PTPN23: variants seen among roughly 807,000 people sequenced by gnomAD.
PTPN23 encodes the protein tyrosine-protein phosphatase non-receptor type 23.
PTPN23 carries 72 observed loss-of-function variants against 156.3 expected under a neutral mutation model. The observed-to-expected ratio is 0.46, with a 90% CI of 0.38 to 0.56. PTPN23 has a LOEUF of 0.56. Among genes scored for constraint, PTPN23 ranks in the 20% least tolerant of loss-of-function variants. PTPN23 has a pLI of 0.00. For missense variants in PTPN23, 1,974 were observed against 2,171.5 expected (o/e 0.91, Z 1.81); for synonymous variants, 957 against 899.6 (o/e 1.06, Z -1.14).
intron 21 of PTPN23, 37 bp from the exon 22 acceptor site, chr3:47,412,057 G>T (rs1705314246): frequency 5.0e-6 from 8 of 1,611,784 alleles, no homozygotes; most frequent in Non-Finnish European, 6.8e-6. Context: ...GTCAGGCCTG[G>T]CTCATAGGCT....
Position 47,407,096 on chromosome 3 carries a change from A to G in PTPN23, c.808-34A>G, listed in dbSNP as rs1705144678. 1.2e-6 allele frequency: 2 copies of G among 1,613,310 alleles called. No homozygotes were observed. Among genetic ancestry groups the G allele is most frequent in the East Asian group, 2.2e-5 (1 of 44,860 alleles). ...GGAGGAGAAAGGGTCCAAGCAGAGG[A>G]GGACAGAGCAGGCTTTCCTGCCACC... On this transcript the variant is annotated intron_variant, in intron 9 of 24. Coordinates refer to ENST00000265562, the MANE Select transcript of PTPN23 (RefSeq NM_015466.4). The surrounding 1 kb of genome is among the most constrained non-coding windows in gnomAD (Gnocchi z 4.0).
At chr3:47,402,304 G>T (rs559873275) in intron 2 of PTPN23, among the ~76,000 whole-genome samples, 1 of 151,724 alleles carries the variant, frequency 6.6e-6, no homozygotes, top group Non-Finnish European at 1.5e-5. Context: ...ATTTGAGACC[G>T]AGTCTCACTC....
At position 47,409,162 on chromosome 3, in the gene PTPN23, G is replaced by A; in HGVS notation, c.1643-1G>A. On this transcript the variant is annotated splice_acceptor_variant, in intron 16 of 24. Coordinates refer to ENST00000265562, the MANE Select transcript of PTPN23 (RefSeq NM_015466.4). LOFTEE classifies it high-confidence loss of function. ...GCCTCACTGACCACTGCTGCCCACA[G>A]AGGACAAGGCCGTGCTGCAAAACCT... The A allele has an allele frequency of 6.2e-7, 1 of 1,612,830 alleles. No homozygotes were observed. The highest frequency in any genetic ancestry group is 8.5e-7 in the Non-Finnish European group (1 of 1,179,076).
At chr3:47,400,852 G>A (rs1436806853) in intron 2 of PTPN23, among the ~76,000 whole-genome samples, 4 of 152,092 alleles carry the variant, frequency 2.6e-5, no homozygotes, top group Non-Finnish European at 5.9e-5. Flanking sequence ...GGGATTATAG[G>A]TGTGAGCCAC....
chr3:47,404,803 A>G (rs1576223447), intron 3 of PTPN23, 24 bp downstream of exon 3: 2 of 1,610,790 alleles, frequency 1.2e-6, no homozygotes, highest in Middle Eastern at 3.3e-4. Context: ...GCAGGGCTGG[A>G]GGATCCCACG....
chr3:47,389,213 T>G (rs1188604669), intron 1 of PTPN23, among the ~76,000 whole-genome samples: 1 of 152,238 alleles, frequency 6.6e-6, no homozygotes, highest in Non-Finnish European at 1.5e-5. Context: ...AACAATATTT[T>G]CACCTGAGCA....
intron 1 of PTPN23, among the ~76,000 whole-genome samples, chr3:47,389,315 A>G (rs1704719986): frequency 1.3e-5 from 2 of 152,194 alleles, no homozygotes; most frequent in African/African-American, 4.8e-5. Context: ...TACACATGAA[A>G]AAAGCCAAGC....
chr3:47,408,084 C>T, intron 14 of PTPN23, 129 bp downstream of exon 14: 1 of 1,207,802 alleles, frequency 8.3e-7, no homozygotes, highest in South Asian at 1.3e-5. Context: ...ATGCTGCCTT[C>T]CCGCCTGGGG....
chr3:47,399,405 T>G (rs944062750), intron 2 of PTPN23, among the ~76,000 whole-genome samples: 6 of 152,198 alleles, frequency 3.9e-5, no homozygotes, highest in Admixed American at 1.3e-4. Flanking sequence ...AGACCAAGCT[T>G]CTTCTTATGC....
rs1705384727 is a variant in PTPN23 at position 47,413,403 on chromosome 3, T to C, written c.*218T>C. The C allele has an allele frequency of 1.5e-5, 9 of 617,788 alleles. No homozygotes were observed. In the South Asian group the frequency reaches 2.2e-4, roughly 15 times the overall value. 38.3% of individuals were successfully genotyped at this position (617,788 alleles called of 1,614,324 possible). A position where few individuals can be genotyped will look rare whatever the true frequency, so the allele number is the denominator to read the frequency against. ...TGGGACCCGACATTTTTCAGCTCTT[T>C]GCTATTGAAATAATAAACCACCCTG... On this transcript the variant is annotated 3_prime_UTR_variant, in exon 25 of 25. Transcript: ENST00000265562.
At position 47,405,191 on chromosome 3, in the gene PTPN23, G is replaced by C. The variant is rs1705093312; in HGVS notation, c.364+110G>C. The C allele has an allele frequency of 7.0e-6, 7 of 997,194 alleles. No individual in the cohort carries two copies. In the East Asian group the frequency reaches 1.7e-4, roughly 25 times the overall value. The allele number at this position is 997,194 out of a possible 1,614,324, so 61.8% of individuals were successfully genotyped here. ...TGGGCTGATAAAGGGAGGACTCCAGGATTCCCGCCCCTCCACTGACCTCCC... is the reference window on the plus strand; with the variant it reads ...TGGGCTGATAAAGGGAGGACTCCAGCATTCCCGCCCCTCCACTGACCTCCC... On this transcript the variant is annotated intron_variant, in intron 4 of 24. Transcript: ENST00000265562. This position sits in a 1 kb window ranked among gnomAD's most constrained non-coding sequence, Gnocchi z 4.7.
rs374643509 is a variant in PTPN23, at chr3:47,407,648, C to T, written c.1004-49C>T. 1 of 1,606,086 alleles carries T rather than the reference C, an allele frequency of 6.2e-7. No homozygotes were observed. Among genetic ancestry groups the T allele is most frequent in the Non-Finnish European group, 8.5e-7 (1 of 1,172,996 alleles). On this transcript the variant is annotated intron_variant, in intron 12 of 24. Coordinates refer to ENST00000265562, the MANE Select transcript of PTPN23 (RefSeq NM_015466.4). The surrounding 1 kb of genome is among the most constrained non-coding windows in gnomAD (Gnocchi z 4.0). ...GGTGGGGACAGGACACAGGAGGCTG[C>T]CTCAAGGACTCTGCGTGGGCCTGAT... is the stretch of plus-strand genomic sequence containing the variant.
In PTPN23 at chr3:47,409,800, G is replaced by A; in HGVS notation, c.2095G>A (p.Ala699Thr). 6.2e-7 allele frequency: 1 copy of A among 1,609,036 alleles called. No individual in the cohort carries two copies. Residue 699 changes from alanine to threonine, a missense_variant, in exon 19 of 25, where the codon GCC (alanine) becomes ACC (threonine). This residue lies in a region of PTPN23 where 726 missense variants were observed against 929.5 expected (regional missense o/e 0.78). Coordinates refer to ENST00000265562, the MANE Select transcript of PTPN23 (RefSeq NM_015466.4). ...GGAGCGCACGCAGTCCACCTGCCAG[G>A]CCCGCGAGGCTGCCCGCCAGCAGCT... is the stretch of plus-strand genomic sequence containing the variant. The part of the protein sequence containing the change: ...LLERTQSTCQ[A>T]REAARQQLLD...
rs755935569 is a variant in PTPN23, at chr3:47,409,247, A to G, written c.1727A>G (p.Gln576Arg). 5.6e-6 allele frequency: 9 copies of G among 1,614,198 alleles called. No individual in the cohort carries two copies. The highest frequency in any genetic ancestry group is 5.5e-5 in the South Asian group (5 of 91,088). ...GACCAGCGCGTGTCCCTGGAGCAGCAGCTGCGTGAGCTTATCCAGAAAGAT... is the reference window on the plus strand; with the variant it reads ...GACCAGCGCGTGTCCCTGGAGCAGCGGCTGCGTGAGCTTATCCAGAAAGAT... ...MRDQRVSLEQ[Q>R]LRELIQKDDI... Residue 576 changes from glutamine to arginine, a missense_variant, in exon 17 of 25, where the codon CAG (glutamine) becomes CGG (arginine). Around this residue, in one of 4 missense-constraint regions of PTPN23, gnomAD observed 726 missense variants for 929.5 expected, o/e 0.78. Transcript: ENST00000265562.
At chr3:47,394,668 T>G (rs936543186) in intron 1 of PTPN23, among the ~76,000 whole-genome samples, 10 of 152,210 alleles carry the variant, frequency 6.6e-5, no homozygotes, top group African/African-American at 2.4e-5. Context: ...TCATAAACTC[T>G]GTGCCAAAAT....
chr3:47,403,609 G>A (rs1705051172), intron 2 of PTPN23, among the ~76,000 whole-genome samples: 1 of 152,116 alleles, frequency 6.6e-6, no homozygotes. Flanking sequence ...GCTCACTGCA[G>A]CCTTAACCTC....
In PTPN23 at chr3:47,411,998, GGTCTAAGTGC is replaced by G. The variant is rs1190159277; in HGVS notation, c.4073+32_4073+41del. Reference sequence around the variant, plus strand: ...TCCACTGCTCTGGATGGTGGTTGGGGGTCTAAGTGCTGTCCAGTCCTTGGTGCTGGGAGGG... The same window carrying G: ...TCCACTGCTCTGGATGGTGGTTGGGGTGTCCAGTCCTTGGTGCTGGGAGGG... On this transcript the variant is annotated intron_variant, in intron 21 of 24. Transcript: ENST00000265562. The surrounding 1 kb of genome is among the most constrained non-coding windows in gnomAD (Gnocchi z 6.3). 1.2e-6 allele frequency: 2 copies of G among 1,605,884 alleles called. No homozygotes were observed. Among genetic ancestry groups the G allele is most frequent in the Non-Finnish European group, 1.7e-6 (2 of 1,175,404 alleles).
chr3:47,381,129 G>A lies in PTPN23; in HGVS notation c.33G>A (p.Trp11Ter), dbSNP rs867668152. 1 of 1,590,230 alleles carries A rather than the reference G, an allele frequency of 6.3e-7. No homozygotes were observed. The highest frequency in any genetic ancestry group is 1.8e-5 in the Admixed American group (1 of 56,796). The stretch of plus-strand genomic sequence containing the variant: ...CCGTGCCCCGCATGCCCATGATCTG[G>A]CTGGACCTGAAGGAGGCCGGTGACT... MEAVPRMPMI[W>*]LDLKEAGDFH... The change falls in exon 1 of 25, where the codon TGG (tryptophan) becomes TGA (stop). Residue 11 changes from tryptophan (W) to a stop codon, truncating the protein, a stop_gained. Coordinates refer to ENST00000265562, the MANE Select transcript of PTPN23 (RefSeq NM_015466.4). LOFTEE classifies it high-confidence loss of function.
chr3:47,406,840 CCTT>C lies in PTPN23; in HGVS notation c.807+93_807+95del, dbSNP rs1253213680. ...CCGCTCCTTACACACCAGGGGGTGG[CCTT>C]CTCTGTCTCACCCTGGCCATCACCC... On this transcript the variant is annotated intron_variant, in intron 9 of 24. Transcript: ENST00000265562. This position sits in a 1 kb window ranked among gnomAD's most constrained non-coding sequence, Gnocchi z 5.8. The C allele has an allele frequency of 1.3e-6, 2 of 1,516,358 alleles. No homozygotes were observed. The highest frequency in any genetic ancestry group is 2.3e-5 in the East Asian group (1 of 42,694). The allele number at this position is 1,516,358 out of a possible 1,614,324, so 93.9% of individuals were successfully genotyped here.
Sources: gnomAD v4.1 joint callset for allele counts (sites outside exome capture counted in the v4.1 genomes callset) on GRCh38, gnomAD v4.1.1 for gene constraint, gnomAD v4.1.1 regional missense constraint, Gnocchi (gnomAD v3.1) non-coding constraint, MANE v1.5 for transcripts, NCBI Gene and HGNC (gene_info 2026-07-23, HGNC 2026-07-21) for gene names.